The following MPP7 variants were observed in gnomAD, a reference collection of about 807,000 sequenced individuals.
The protein encoded by MPP7 is MAGUK p55 subfamily member 7.
In MPP7, 60 loss-of-function variants were observed where a neutral mutation model predicts 76.5. The ratio of observed to expected loss-of-function variants is 0.78; its 90% CI spans 0.64 to 0.97. MPP7 has a LOEUF of 0.97. Ranked by LOEUF, MPP7 falls within the 50% of genes least tolerant of loss-of-function variation. MPP7 has a pLI of 0.00. For synonymous variants in MPP7, 237 were observed against 244.5 expected, an observed-to-expected ratio of 0.97 and a Z score of 0.29; for missense variants, 641 against 694.0, an observed-to-expected ratio of 0.92 and a Z score of 0.86.
chr10:28,322,654 C>T (rs1458882156), intron 2 of MPP7, among the ~76,000 whole-genome samples: 1 of 152,174 alleles, frequency 6.6e-6, no homozygotes, highest in Non-Finnish European at 1.5e-5. Flanking sequence ...CACAGCCACA[C>T]TCTGTCACTT....
chr10:28,316,919 G>A (rs1589047497), intron 2 of MPP7, among the ~76,000 whole-genome samples: 2 of 152,276 alleles, frequency 1.3e-5, no homozygotes, highest in South Asian at 2.1e-4. Flanking sequence ...ACTTCAGCCT[G>A]GGGAGGAGTC....
At chr10:28,069,317 C>T (rs1170736232) in intron 13 of MPP7, among the ~76,000 whole-genome samples, 1 of 152,120 alleles carries the variant, frequency 6.6e-6, no homozygotes, top group Non-Finnish European at 1.5e-5. Flanking sequence ...TGTATCAAAA[C>T]ACCTTGGCCA....
chr10:28,189,597 A>C (rs1341558393), intron 3 of MPP7, among the ~76,000 whole-genome samples: 1 of 142,028 alleles, frequency 7.0e-6, no homozygotes, highest in Non-Finnish European at 1.5e-5. Flanking sequence ...AAAAAAAAAA[A>C]AACCTGTATT....
rs1035054856 is a variant in MPP7 at position 28,303,016 on chromosome 10, G to A, written c.-287C>T. On this transcript the variant is annotated 5_prime_UTR_variant, in exon 1 of 17. Transcript: ENST00000683449. Reference sequence around the variant, plus strand: ...CCGCCGCGGCGGGCGCAGAACGCACGAGCCCAGTGGGAGCCCGGCCCCCGC... The same window carrying A: ...CCGCCGCGGCGGGCGCAGAACGCACAAGCCCAGTGGGAGCCCGGCCCCCGC... Among the ~76,000 whole-genome samples, 15 of 150,118 alleles carry A rather than the reference G, an allele frequency of 1.0e-4. No homozygotes were observed. The highest frequency in any genetic ancestry group is 3.6e-4 in the African/African-American group (15 of 41,324).
chr10:28,202,143 C>T lies in MPP7; in HGVS notation c.156+10G>A. On this transcript the variant is annotated intron_variant, in intron 3 of 16. Coordinates refer to ENST00000683449, the MANE Select transcript of MPP7 (RefSeq NM_001318170.2). The stretch of plus-strand genomic sequence containing the variant: ...TTTCGCAAAGAGAATCTGACATCAG[C>T]ATGGTTTACCTTTACCAATGAATGC... The T allele has an allele frequency of 6.4e-7, 1 of 1,570,334 alleles. No individual in the cohort carries two copies. Among genetic ancestry groups the T allele is most frequent in the Non-Finnish European group, 8.8e-7 (1 of 1,141,602 alleles).
chr10:28,202,168 C>A lies in MPP7; in HGVS notation c.141G>T (p.Leu47=). 6.2e-7 allele frequency: 1 copy of A among 1,611,828 alleles called. No individual in the cohort carries two copies. Among genetic ancestry groups the A allele is most frequent in the Non-Finnish European group, 8.5e-7 (1 of 1,178,044 alleles). Residue 47 remains leucine, a synonymous_variant, in exon 3 of 17, where the codon CTG becomes CTT. Coordinates refer to ENST00000683449, the MANE Select transcript of MPP7 (RefSeq NM_001318170.2). The stretch of plus-strand genomic sequence containing the variant: ...CATGGTTTACCTTTACCAATGAATG[C>A]AGGCTTTTTTCACCAAACATATCCC... ...FLWDMFGEKS[L]HSLVKIHEKL...
At chr10:28,325,455 G>A (rs2447629) in intron 2 of MPP7, among the ~76,000 whole-genome samples, 39,417 of 151,652 alleles carry the variant, frequency 0.26, 7,038 homozygotes, top group African/African-American at 0.51. Flanking sequence ...GTTTGAGACC[G>A]ACCAGGGCAA....
intron 8 of MPP7, among the ~76,000 whole-genome samples, chr10:28,123,553 C>T (rs373216579): frequency 1.3e-5 from 2 of 150,476 alleles, no homozygotes; most frequent in Non-Finnish European, 3.0e-5. Context: ...ACTGCAACCT[C>T]CATCTCCTGG....
At chr10:28,290,357 C>T (rs1383496846) in intron 1 of MPP7, among the ~76,000 whole-genome samples, 1 of 142,696 alleles carries the variant, frequency 7.0e-6, no homozygotes, top group Non-Finnish European at 1.5e-5. Context: ...GAGTATAATA[C>T]TACAAGGAAA....
intron 2 of MPP7, among the ~76,000 whole-genome samples, chr10:28,204,007 C>T (rs754474206): frequency 3.9e-5 from 6 of 152,112 alleles, no homozygotes; most frequent in Admixed American, 6.5e-5. Context: ...TTAATCATAT[C>T]GTTACAGAAA....
rs1344924026 is a variant in MPP7 at position 28,165,577 on chromosome 10, T to A, written c.157-15518A>T. ...GAAAGAAGCCTCATTCTCTGCTGTATGGACCAGATGACTTTAGCCTCAAAT... is the reference window on the plus strand; with the variant it reads ...GAAAGAAGCCTCATTCTCTGCTGTAAGGACCAGATGACTTTAGCCTCAAAT... On this transcript the variant is annotated intron_variant, in intron 3 of 16. Transcript: ENST00000683449. Among the ~76,000 whole-genome samples the A allele has an allele frequency of 2.0e-5, 3 of 151,130 alleles. No individual in the cohort carries two copies. In the East Asian group the frequency reaches 5.8e-4, roughly 29 times the overall value.
intron 2 of MPP7, among the ~76,000 whole-genome samples, chr10:28,318,202 A>C (rs1315488254): frequency 6.6e-6 from 1 of 152,186 alleles, no homozygotes; most frequent in African/African-American, 2.4e-5. Flanking sequence ...ACTGATCTAT[A>C]ATTGCAATTT....
chr10:28,185,969 C>T (rs1837221919), intron 3 of MPP7, among the ~76,000 whole-genome samples: 1 of 152,178 alleles, frequency 6.6e-6, no homozygotes, highest in Non-Finnish European at 1.5e-5. Context: ...GCAGATCCCA[C>T]AGCACTCCCT....
intron 5 of MPP7, among the ~76,000 whole-genome samples, chr10:28,142,898 C>T (rs1370270001): frequency 1.3e-5 from 2 of 152,136 alleles, no homozygotes; most frequent in Non-Finnish European, 1.5e-5. Flanking sequence ...AATGTACAAA[C>T]ATTATGTATG....
At chr10:28,094,885 G>A (rs1301137826) in intron 11 of MPP7, among the ~76,000 whole-genome samples, 1 of 152,128 alleles carries the variant, frequency 6.6e-6, no homozygotes, top group African/African-American at 2.4e-5. Context: ...AATCCAGGAG[G>A]TGGAGGTTGC....
chr10:28,166,023 CA>C (rs9299600), intron 3 of MPP7, among the ~76,000 whole-genome samples: 68 of 99,928 alleles, frequency 6.8e-4, no homozygotes, highest in Middle Eastern at 5.4e-3. Flanking sequence ...AGACTCATCT[CA>C]AAAAAAAAAA....
Position 28,272,106 on chromosome 10 carries a change from TAATG to T in MPP7, c.-132+30751_-132+30754del, listed in dbSNP as rs1376540998. ...ATTCTCCTCTGAAAATGAGGCAGACTAATGAATGATCAAGACCCAACATTCTAGT... is the reference window on the plus strand; with the variant it reads ...ATTCTCCTCTGAAAATGAGGCAGACTAATGATCAAGACCCAACATTCTAGT... On this transcript the variant is annotated intron_variant, in intron 1 of 16. Transcript: ENST00000683449. 2.6e-5 allele frequency among the ~76,000 whole-genome samples: 4 copies of T among 152,324 alleles called. No homozygotes were observed. In the East Asian group the frequency reaches 7.7e-4, roughly 29 times the overall value.
At chr10:28,249,168 T>A (rs1281020693) in intron 1 of MPP7, among the ~76,000 whole-genome samples, 1 of 151,992 alleles carries the variant, frequency 6.6e-6, no homozygotes, top group Admixed American at 6.6e-5. Flanking sequence ...ATTTTGTGTT[T>A]CTGCCTGTCC....
At position 28,239,259 on chromosome 10, in the gene MPP7, C is replaced by T. The variant is rs555191308; in HGVS notation, c.-131-524G>A. Among the ~76,000 whole-genome samples the T allele has an allele frequency of 9.9e-5, 15 of 151,922 alleles. No individual in the cohort carries two copies. The East Asian group carries it at 2.7e-3, about 28-fold the overall frequency. ...TCCTATGTTCAAGCAATTCTTCCTGCCCCAGGCTCCTGAGGAGCTGGGACT... is the reference window on the plus strand; with the variant it reads ...TCCTATGTTCAAGCAATTCTTCCTGTCCCAGGCTCCTGAGGAGCTGGGACT... On this transcript the variant is annotated intron_variant, in intron 1 of 16. Transcript: ENST00000683449.
Sources: allele counts gnomAD v4.1 joint callset (sites outside exome capture counted in the v4.1 genomes callset), GRCh38; gene constraint gnomAD v4.1.1; transcripts MANE v1.5; gene names NCBI Gene and HGNC (gene_info 2026-07-23, HGNC 2026-07-21).